Variants in TEX261 observed in about 807,000 individuals in gnomAD.
The protein encoded by TEX261 is protein TEX261.
In TEX261, 13 loss-of-function variants were observed where a neutral mutation model predicts 25.1. The ratio of observed to expected loss-of-function variants is 0.52; its 90% CI spans 0.34 to 0.82. The LOEUF is 0.82. TEX261 is among the 40% of genes least tolerant of loss of function. TEX261 has a pLI of 0.02. For synonymous variants in TEX261, 92 were observed against 97.8 expected, an observed-to-expected ratio of 0.94 and a Z score of 0.35; for missense variants, 206 against 243.2, an observed-to-expected ratio of 0.85 and a Z score of 1.02.
At chr2:70,989,218 G>A in intron 4 of TEX261, 1 of 609,628 alleles carries the variant, frequency 1.6e-6, no homozygotes, top group South Asian at 1.9e-5. Context: ...ATGACTGAAT[G>A]TGGCCACAAA....
rs782475810 is a variant in TEX261 at position 70,988,579 on chromosome 2, C to A, written c.*21G>T. 1.0e-5 allele frequency: 16 copies of A among 1,591,672 alleles called. No individual in the cohort carries two copies. The highest frequency in any genetic ancestry group is 3.3e-5 in the Admixed American group (2 of 60,008). ...GCCTGACTCTCCTGATCTTGCCCCC[C>A]ACATCCTGCCTGCATGGGGGTCAGT... On this transcript the variant is annotated 3_prime_UTR_variant, in exon 6 of 6. Coordinates refer to ENST00000272438, the MANE Select transcript of TEX261 (RefSeq NM_144582.3).
intron 4 of TEX261, 200 bp from the exon 5 acceptor site, chr2:70,989,217 T>A (rs782483871): frequency 3.3e-6 from 2 of 609,388 alleles, no homozygotes; most frequent in Non-Finnish European, 5.9e-6. Flanking sequence ...AATGACTGAA[T>A]GTGGCCACAA....
Position 70,988,902 on chromosome 2 carries a change from AATCC to A in TEX261, c.475+9_475+12del, listed in dbSNP as rs570038242. 1,067 of 1,613,130 alleles carry A rather than the reference AATCC, an allele frequency of 6.6e-4. 14 individuals are homozygous for A. The South Asian group carries it at 0.011, about 17-fold the overall frequency. ...CTTGCCCCCACCTGGGCCCCTTACA[AATCC>A]CTTCTCACCTCCTGGCTGCATGGTA... is the stretch of plus-strand genomic sequence containing the variant. On this transcript the variant is annotated intron_variant, in intron 5 of 5. Coordinates refer to ENST00000272438, the MANE Select transcript of TEX261 (RefSeq NM_144582.3).
At chr2:70,990,672 G>C (rs1281830645) in intron 3 of TEX261, among the ~76,000 whole-genome samples, 1 of 152,196 alleles carries the variant, frequency 6.6e-6, no homozygotes, top group South Asian at 2.1e-4. Flanking sequence ...CTAAGGCAAA[G>C]ACTACAGTTC....
At chr2:70,992,111 C>CCTG in intron 2 of TEX261, 128 bp from the exon 3 acceptor site, 2 of 916,054 alleles carry the variant, frequency 2.2e-6, no homozygotes, top group Non-Finnish European at 1.5e-6. Flanking sequence ...CAGGTCTGGC[C>CCTG]TCCCCAGCTA....
intron 1 of TEX261, chr2:70,994,379 G>A (rs1283395063): frequency 4.1e-6 from 2 of 484,980 alleles, no homozygotes; most frequent in Non-Finnish European, 7.4e-6. Context: ...GAAAAGTTCC[G>A]CGCGGCAGGC....
intron 4 of TEX261, 144 bp downstream of exon 4, chr2:70,989,605 C>A: frequency 1.5e-6 from 1 of 661,878 alleles, no homozygotes; most frequent in Admixed American, 2.4e-5. Flanking sequence ...CTTTCTCAAA[C>A]CATCTATGTT....
intron 4 of TEX261, chr2:70,989,442 C>G: frequency 2.3e-6 from 1 of 432,324 alleles, no homozygotes; most frequent in Non-Finnish European, 4.2e-6. Context: ...CAGTCCATCC[C>G]TGCCCTGTGA....
chr2:70,994,154 G>A (rs1670360574), intron 1 of TEX261, among the ~76,000 whole-genome samples: 1 of 152,214 alleles, frequency 6.6e-6, no homozygotes, highest in African/African-American at 2.4e-5. Context: ...GAAAGGGAAG[G>A]GGAACAGTAG....
chr2:70,994,676 G>A lies in TEX261; in HGVS notation c.70+12C>T, dbSNP rs1553426031. ...GCGGGAGCCCGCGCGGGCCGGGGTC[G>A]TGCAGTCTCACCGACAGCCAGCGTG... On this transcript the variant is annotated intron_variant, in intron 1 of 5. Transcript: ENST00000272438. The A allele has an allele frequency of 6.3e-7, 1 of 1,591,248 alleles. No individual in the cohort carries two copies. Among genetic ancestry groups the A allele is most frequent in the Non-Finnish European group, 8.5e-7 (1 of 1,170,104 alleles).
chr2:70,992,268 C>CT (rs753078721), intron 2 of TEX261, among the ~76,000 whole-genome samples: 3 of 151,966 alleles, frequency 2.0e-5, no homozygotes, highest in Non-Finnish European at 4.4e-5. Flanking sequence ...GGACTACAGG[C>CT]ATGCACAACC....
At chr2:70,988,789 G>A (rs1260497121) in intron 5 of TEX261, 74 bp from the exon 6 acceptor site, 2 of 1,516,014 alleles carry the variant, frequency 1.3e-6, no homozygotes, top group Non-Finnish European at 1.8e-6. Flanking sequence ...TGTGAACACG[G>A]CCCTCCCAAC....
intron 4 of TEX261, chr2:70,989,416 C>CT: frequency 2.4e-6 from 1 of 412,296 alleles, no homozygotes; most frequent in Non-Finnish European, 4.5e-6. Context: ...CTGGGAAAAG[C>CT]TGGGGCTCAG....
Position 70,988,954 on chromosome 2 carries a change from C to A in TEX261, c.436G>T (p.Ala146Ser). ...IPFAFFVSLS[A>S]GENVLPSTMQ... ...GTAGAGGGCAGGACGTTCTCCCCGG[C>A]CGAAAGTGACACAAAAAACGCAAAC... The change falls in exon 5 of 6, where the codon GCC (alanine) becomes TCC (serine). Residue 146 changes from alanine to serine, a missense_variant. Transcript: ENST00000272438. 1 of 1,614,054 alleles carries A rather than the reference C, an allele frequency of 6.2e-7. No individual in the cohort carries two copies. The highest frequency in any genetic ancestry group is 1.1e-5 in the South Asian group (1 of 91,060).
chr2:70,992,526 T>C (rs1243307545), intron 2 of TEX261, among the ~76,000 whole-genome samples: 2 of 152,130 alleles, frequency 1.3e-5, no homozygotes, highest in Non-Finnish European at 2.9e-5. Flanking sequence ...GGTTGGGAGT[T>C]TGTGACCAGC....
chr2:70,993,077 T>C (rs1553425801), intron 2 of TEX261, among the ~76,000 whole-genome samples: 1 of 152,230 alleles, frequency 6.6e-6, no homozygotes, highest in Non-Finnish European at 1.5e-5. Flanking sequence ...ACATGGCTGC[T>C]GACACCAGGC....
In TEX261 at chr2:70,988,711, A is replaced by C; in HGVS notation, c.480T>G (p.Asp160Glu). Residue 160 changes from aspartate to glutamate, a missense_variant, in exon 6 of 6, where the codon GAT becomes GAG. Physicochemically the swap from Asp to Glu is conservative, Grantham distance 45 (BLOSUM62 2). Transcript: ENST00000272438. ...VLPSTMQPGD[D>E]VVSNYFTKGK... ...CTTTGGTGAAATAATTGGAGACGAC[A>C]TCATCTGTGGAGATACAGGCAAGAA... The C allele has an allele frequency of 1.2e-6, 2 of 1,613,316 alleles. No individual in the cohort carries two copies. The highest frequency in any genetic ancestry group is 1.7e-6 in the Non-Finnish European group (2 of 1,179,232).
intron 1 of TEX261, 29 bp downstream of exon 1, chr2:70,994,659 C>A: frequency 6.4e-7 from 1 of 1,573,988 alleles, no homozygotes; most frequent in Non-Finnish European, 8.6e-7. Context: ...GGGCGGGAGC[C>A]CGCGCGGGCC....
chr2:70,989,509 C>T (rs986307935), intron 4 of TEX261: 19 of 517,480 alleles, frequency 3.7e-5, no homozygotes, highest in South Asian at 1.1e-4. Context: ...GATGACCCCT[C>T]GAGGGGGACC....
Sources: allele counts gnomAD v4.1 joint callset (sites outside exome capture counted in the v4.1 genomes callset), GRCh38; gene constraint gnomAD v4.1.1; transcripts MANE v1.5; gene names NCBI Gene and HGNC (gene_info 2026-07-23, HGNC 2026-07-21).